CARS2: variants seen among roughly 807,000 people sequenced by gnomAD.
CARS2 encodes the protein probable cysteine--tRNA ligase, mitochondrial.
In CARS2, 52 loss-of-function variants were observed where a neutral mutation model predicts 68.8. The ratio of observed to expected loss-of-function variants is 0.76; its 90% CI spans 0.61 to 0.95. The LOEUF (loss-of-function observed/expected upper bound fraction) is 0.95. CARS2 is among the 40% of genes least tolerant of loss of function. The pLI, the probability that CARS2 is intolerant of heterozygous loss-of-function variation, is 0.00. For synonymous variants in CARS2, 314 were observed against 303.6 expected (o/e 1.03, Z -0.36); for missense variants, 780 against 754.2 (o/e 1.03, Z -0.40).
At chr13:110,695,030 C>T (rs1247777691) in intron 3 of CARS2, among the ~76,000 whole-genome samples, 2 of 152,132 alleles carry the variant, frequency 1.3e-5, no homozygotes, top group Non-Finnish European at 2.9e-5. Flanking sequence ...TGCCTGTAAT[C>T]CCAGCACTTT....
chr13:110,667,165 C>T (rs777074927), intron 8 of CARS2, among the ~76,000 whole-genome samples, 175 bp downstream of exon 8: 19 of 152,188 alleles, frequency 1.2e-4, no homozygotes, highest in Non-Finnish European at 2.5e-4. Context: ...ATCATTGCTG[C>T]AATCCAAGGA....
chr13:110,673,169 T>C (rs9583524), intron 7 of CARS2, among the ~76,000 whole-genome samples: 122,585 of 151,676 alleles, frequency 0.81, 49,816 homozygotes, highest in Middle Eastern at 0.85. Flanking sequence ...CCTTCTGAAA[T>C]TATTACAATC....
intron 10 of CARS2, chr13:110,648,804 G>A (rs913072876): frequency 2.0e-5 from 3 of 152,148 alleles, no homozygotes; most frequent in African/African-American, 4.8e-5. Context: ...ACCAAACTTC[G>A]TATTCAAAGC....
At position 110,668,778 on chromosome 13, in the gene CARS2, C is replaced by T. The variant is rs908401447; in HGVS notation, c.786-1305G>A. Among the ~76,000 whole-genome samples the T allele has an allele frequency of 3.3e-5, 5 of 152,286 alleles. No individual in the cohort carries two copies. The highest frequency in any genetic ancestry group is 9.6e-5 in the African/African-American group (4 of 41,560). ...GCCACAACCTTCACTATGTTAGTTT[C>T]GCTCCTGATCTCTACGTTACACCTA... On this transcript the variant is annotated intron_variant, in intron 7 of 14. Transcript: ENST00000257347. The surrounding 1 kb of genome is among the most constrained non-coding windows in gnomAD (Gnocchi z 4.1).
At chr13:110,666,357 A>G in intron 8 of CARS2, 1 of 985,398 alleles carries the variant, frequency 1.0e-6, no homozygotes, top group South Asian at 4.7e-5. Context: ...GGTGCTGGAC[A>G]ACAGCTCCTA....
At chr13:110,644,562 C>CAA in intron 12 of CARS2, 79 bp from the exon 13 acceptor site, 1 of 1,586,620 alleles carries the variant, frequency 6.3e-7, no homozygotes, top group Non-Finnish European at 8.6e-7. Flanking sequence ...TGTCAAAAGA[C>CAA]AAAGGCTTCA....
At chr13:110,667,910 T>C (rs887379961) in intron 7 of CARS2, among the ~76,000 whole-genome samples, 3 of 152,178 alleles carry the variant, frequency 2.0e-5, no homozygotes, top group African/African-American at 7.2e-5. Flanking sequence ...GCAACACAGG[T>C]TGCCATTTCT....
intron 3 of CARS2, among the ~76,000 whole-genome samples, chr13:110,696,782 T>C (rs779173949): frequency 6.6e-6 from 1 of 152,224 alleles, no homozygotes; most frequent in South Asian, 2.1e-4. Context: ...TCCCTCCTTG[T>C]GGCATCTGTG....
intron 6 of CARS2, among the ~76,000 whole-genome samples, chr13:110,680,204 C>G (rs921411868): frequency 1.3e-5 from 2 of 150,986 alleles, no homozygotes; most frequent in South Asian, 4.2e-4. Flanking sequence ...CCAGCCTGGC[C>G]AACACGGCAA....
At chr13:110,691,279 G>A (rs1160670806) in intron 3 of CARS2, among the ~76,000 whole-genome samples, 1 of 152,204 alleles carries the variant, frequency 6.6e-6, no homozygotes, top group Non-Finnish European at 1.5e-5. Context: ...GCCTCCTGAA[G>A]TGCTGGGATT....
chr13:110,658,510 G>A (rs1233370889), intron 9 of CARS2, among the ~76,000 whole-genome samples: 6 of 152,034 alleles, frequency 3.9e-5, no homozygotes, highest in East Asian at 1.9e-4. Context: ...TTTATGTTAC[G>A]TGGTTTTTTT....
exon 1 of CARS2, chr13:110,713,229 C>G: frequency 1.4e-6 from 2 of 1,409,804 alleles, no homozygotes; most frequent in Non-Finnish European, 1.8e-6. Flanking sequence ...GTTTCGGGCC[C>G]TACTTATACT....
Position 110,665,016 on chromosome 13 carries a change from T to C in CARS2, c.920-1498A>G, listed in dbSNP as rs1426514181. The C allele has an allele frequency of 1.0e-6, 1 of 985,272 alleles. No homozygotes were observed. The allele number at this position is 985,272 out of a possible 1,614,324, so 61.0% of individuals were successfully genotyped here. A position where few individuals can be genotyped will look rare whatever the true frequency, so the allele number is the denominator to read the frequency against. On this transcript the variant is annotated intron_variant, in intron 8 of 14. Transcript: ENST00000257347. The surrounding 1 kb of genome is among the most constrained non-coding windows in gnomAD (Gnocchi z 4.3). ...GGGATAGTGTCTGCCCACTTAGCTC[T>C]TCCATCCACTGGGTACAGGAGAACA... is the stretch of plus-strand genomic sequence containing the variant.
rs751078446 is a variant in CARS2, at chr13:110,644,380, C to A, written c.1416+5G>T. Reference sequence around the variant, plus strand: ...GAATTAAGCATTTAAAATAATAGGACCTACCTGTTGATTTGCCAGAGAAAT... The same window carrying A: ...GAATTAAGCATTTAAAATAATAGGAACTACCTGTTGATTTGCCAGAGAAAT... On this transcript the variant is annotated splice_donor_5th_base_variant and intron_variant, in intron 13 of 14. Transcript: ENST00000257347. The A allele has an allele frequency of 6.2e-7, 1 of 1,611,596 alleles. No homozygotes were observed. The highest frequency in any genetic ancestry group is 8.5e-7 in the Non-Finnish European group (1 of 1,177,936).
chr13:110,684,892 G>C (rs2063254868), intron 5 of CARS2, among the ~76,000 whole-genome samples: 1 of 152,068 alleles, frequency 6.6e-6, no homozygotes, highest in South Asian at 2.1e-4. Flanking sequence ...AAGCCCTTGT[G>C]GAATTGTAAC....
intron 3 of CARS2, among the ~76,000 whole-genome samples, chr13:110,691,753 C>T (rs562299491): frequency 5.3e-5 from 8 of 152,066 alleles, no homozygotes; most frequent in South Asian, 2.1e-4. Context: ...TCTGTTTATG[C>T]GTGCTTTGTA....
Position 110,665,586 on chromosome 13 carries a change from C to T in CARS2, c.919+1754G>A. 1 of 985,490 alleles carries T rather than the reference C, an allele frequency of 1.0e-6. No homozygotes were observed. The highest frequency in any genetic ancestry group is 1.2e-6 in the Non-Finnish European group (1 of 829,980). 61.0% of individuals were successfully genotyped at this position (985,490 alleles called of 1,614,324 possible). ...GCCCTTCTTGCCCCCCAGCTCCACACTCGCAGAAGGGCTCACAGCAGGTCA... is the reference window on the plus strand; with the variant it reads ...GCCCTTCTTGCCCCCCAGCTCCACATTCGCAGAAGGGCTCACAGCAGGTCA... On this transcript the variant is annotated intron_variant, in intron 8 of 14. Coordinates refer to ENST00000257347, the MANE Select transcript of CARS2 (RefSeq NM_024537.4). This position sits in a 1 kb window ranked among gnomAD's most constrained non-coding sequence, Gnocchi z 4.3.
chr13:110,642,689 A>G, intron 13 of CARS2, 168 bp from the exon 14 acceptor site: 1 of 778,172 alleles, frequency 1.3e-6, no homozygotes, highest in Non-Finnish European at 2.3e-6. Flanking sequence ...ACAGCCCGCG[A>G]GCGCTGGGCT....
At chr13:110,704,778 C>T (rs978252934) in intron 2 of CARS2, among the ~76,000 whole-genome samples, 1 of 152,064 alleles carries the variant, frequency 6.6e-6, no homozygotes, top group African/African-American at 2.4e-5. Flanking sequence ...TAACTTTTTA[C>T]TTTTAGTCTA....
Sources: gnomAD v4.1 joint callset for allele counts (sites outside exome capture counted in the v4.1 genomes callset) on GRCh38, gnomAD v4.1.1 for gene constraint, Gnocchi (gnomAD v3.1) non-coding constraint, MANE v1.5 for transcripts, NCBI Gene and HGNC (gene_info 2026-07-23, HGNC 2026-07-21) for gene names.